Variants in ARID2 observed in about 807,000 individuals in gnomAD.
ARID2 encodes AT-rich interactive domain-containing protein 2.
ARID2 carries 32 observed loss-of-function variants against 184.6 expected under a neutral mutation model. The ratio of observed to expected loss-of-function variants is 0.17; its 90% CI spans 0.13 to 0.23. ARID2 has a LOEUF of 0.23. Among genes scored for constraint, ARID2 ranks in the 10% least tolerant of loss-of-function variants. The probability of loss-of-function intolerance (pLI) is 1.00; values close to 1 mark genes in which losing one functional copy is unlikely to be tolerated. For missense variants in ARID2, 1,696 were observed against 2,197.6 expected, an observed-to-expected ratio of 0.77 and a Z score of 4.56; for synonymous variants, 836 against 772.6, an observed-to-expected ratio of 1.08 and a Z score of -1.36.
chr12:45,735,309 T>TG (rs1334252624), intron 3 of ARID2, among the ~76,000 whole-genome samples: 1 of 152,162 alleles, frequency 6.6e-6, no homozygotes, highest in African/African-American at 2.4e-5. Flanking sequence ...AATAAACTGA[T>TG]TGCCCTTCTT....
At chr12:45,793,543 C>CTGTGTG (rs544399975) in intron 3 of ARID2, among the ~76,000 whole-genome samples, 2 of 148,212 alleles carry the variant, frequency 1.3e-5, no homozygotes, top group South Asian at 4.3e-4. Flanking sequence ...CTTTATGTAA[C>CTGTGTG]TGTGTGTGTG....
intron 3 of ARID2, among the ~76,000 whole-genome samples, chr12:45,747,841 A>C (rs567297513): frequency 1.3e-5 from 2 of 152,158 alleles, no homozygotes; most frequent in African/African-American, 2.4e-5. Context: ...ATGTCTCCCT[A>C]TCTGTCTTCA....
At chr12:45,854,484 A>G (rs1228207090) in intron 15 of ARID2, among the ~76,000 whole-genome samples, 1 of 152,192 alleles carries the variant, frequency 6.6e-6, no homozygotes, top group Non-Finnish European at 1.5e-5. Context: ...TTTTTATTCA[A>G]GCTTCCACAT....
intron 3 of ARID2, among the ~76,000 whole-genome samples, chr12:45,746,443 A>G (rs969493291): frequency 6.6e-6 from 1 of 152,058 alleles, no homozygotes; most frequent in Non-Finnish European, 1.5e-5. Context: ...AGACAAAGGG[A>G]TGGTAGGGAG....
At chr12:45,881,158 T>G (rs1034772752) in intron 16 of ARID2, 1 of 152,944 alleles carries the variant, frequency 6.5e-6, no homozygotes, top group Non-Finnish European at 1.5e-5. Flanking sequence ...GGTCAGATTT[T>G]TGAATCCACC....
Position 45,848,943 on chromosome 12 carries a change from C to T in ARID2, c.1688C>T (p.Thr563Ile), listed in dbSNP as rs770619715. 6.2e-7 allele frequency: 1 copy of T among 1,612,248 alleles called. No individual in the cohort carries two copies. Among genetic ancestry groups the T allele is most frequent in the South Asian group, 1.1e-5 (1 of 90,884 alleles). ...CSKLARGGIL[T>I]STGFYKCLRT... ...AAATTAGCTCGTGGTGGAATCCTAA[C>T]ATCAACTGGATTTTATAAATGTCTT... Residue 563 changes from threonine (T) to isoleucine (I), a missense_variant, in exon 13 of 21, where the codon ACA becomes ATA. This residue lies in a region of ARID2 where 713 missense variants were observed against 824.4 expected (regional missense o/e 0.86). Transcript: ENST00000334344.
chr12:45,789,542 T>C lies in ARID2; in HGVS notation c.285-21876T>C, dbSNP rs57690604. On this transcript the variant is annotated intron_variant, in intron 3 of 20. Coordinates refer to ENST00000334344, the MANE Select transcript of ARID2 (RefSeq NM_152641.4). ...GATAATATGTATTCTGTAATTTAAA[T>C]ATATATTAAATTAGCCTTGATAACC... 17 of 152,286 alleles carry C rather than the reference T, an allele frequency of 1.1e-4. No homozygotes were observed. The East Asian group carries it at 2.5e-3, about 22-fold the overall frequency. The allele number at this position is 152,286 out of a possible 1,614,324, so 9.4% of individuals were successfully genotyped here.
intron 16 of ARID2, among the ~76,000 whole-genome samples, chr12:45,889,715 G>A (rs1454079256): frequency 5.3e-5 from 8 of 152,228 alleles, no homozygotes; most frequent in African/African-American, 1.9e-4. Context: ...CGAGGCGGGT[G>A]GATCACAAGG....
At chr12:45,735,364 TATATC>T (rs1257478356) in intron 3 of ARID2, among the ~76,000 whole-genome samples, 2 of 151,966 alleles carry the variant, frequency 1.3e-5, no homozygotes, top group Non-Finnish European at 2.9e-5. Flanking sequence ...GGAAGACAAA[TATATC>T]AATAAGTTAT....
intron 3 of ARID2, among the ~76,000 whole-genome samples, 174 bp from the exon 4 acceptor site, chr12:45,811,244 C>G (rs745309136): frequency 1.3e-4 from 20 of 151,066 alleles, no homozygotes; most frequent in Admixed American, 9.2e-4. Flanking sequence ...TTGAGTTTAT[C>G]TGCGGTTTAT....
At chr12:45,837,819 T>G in intron 10 of ARID2, 112 bp downstream of exon 10, 1 of 879,370 alleles carries the variant, frequency 1.1e-6, no homozygotes, top group Admixed American at 2.8e-5. Flanking sequence ...TTTTGAAGAG[T>G]CATTACCTCC....
chr12:45,734,266 G>A (rs901311589), intron 3 of ARID2, among the ~76,000 whole-genome samples: 1 of 152,316 alleles, frequency 6.6e-6, no homozygotes, highest in African/African-American at 2.4e-5. Context: ...CTACTTGGGA[G>A]GCTGATGCAG....
At chr12:45,893,777 A>G (rs1316542393) in intron 20 of ARID2, 56 bp downstream of exon 20, 4 of 1,330,632 alleles carry the variant, frequency 3.0e-6, no homozygotes, top group East Asian at 2.5e-5. Context: ...ATTTTTACAT[A>G]TAAGTTAATA....
At chr12:45,868,797 T>C (rs938492051) in intron 16 of ARID2, among the ~76,000 whole-genome samples, 1 of 152,220 alleles carries the variant, frequency 6.6e-6, no homozygotes, top group African/African-American at 2.4e-5. Context: ...GGATCACTTG[T>C]TATCCCCTTG....
chr12:45,877,668 C>T (rs545505388), intron 16 of ARID2, among the ~76,000 whole-genome samples: 25 of 152,012 alleles, frequency 1.6e-4, no homozygotes, highest in Non-Finnish European at 2.5e-4. Context: ...GGTTGGTGAC[C>T]GTTGCCTTAT....
In ARID2 at chr12:45,852,441, C is replaced by G. The variant is rs772995852; in HGVS notation, c.4318C>G (p.Gln1440Glu). Residue 1440 changes from glutamine to glutamate, a missense_variant, in exon 15 of 21, where the codon CAG (glutamine) becomes GAG (glutamate). By Grantham distance (29) the Gln-to-Glu change is conservative (BLOSUM62 2). Coordinates refer to ENST00000334344, the MANE Select transcript of ARID2 (RefSeq NM_152641.4). The part of the protein sequence containing the change: ...SIQEASNAAT[Q>E]QFSGTDLLNG... ...ACAGGAGGCTTCAAATGCGGCAACA[C>G]AGCAATTTAGTGGTACTGATTTGCT... The G allele has an allele frequency of 2.5e-6, 4 of 1,614,188 alleles. No homozygotes were observed. In the South Asian group the frequency reaches 3.3e-5, roughly 13 times the overall value.
At chr12:45,891,688 T>C (rs1944303783) in intron 16 of ARID2, 92 bp from the exon 17 acceptor site, 2 of 1,393,070 alleles carry the variant, frequency 1.4e-6, no homozygotes. Flanking sequence ...CAACTGATGA[T>C]TCCACTTGGA....
intron 3 of ARID2, among the ~76,000 whole-genome samples, chr12:45,744,936 T>G (rs1941327778): frequency 6.6e-6 from 1 of 152,202 alleles, no homozygotes; most frequent in African/African-American, 2.4e-5. Context: ...ACATCCCTCC[T>G]TCTTTGGCCC....
At chr12:45,863,618 C>A (rs1463623672) in intron 16 of ARID2, among the ~76,000 whole-genome samples, 1 of 151,708 alleles carries the variant, frequency 6.6e-6, no homozygotes. Flanking sequence ...AGAAAACTTT[C>A]TTTGTTTCCA....
Sources: gnomAD v4.1 joint callset for allele counts (sites outside exome capture counted in the v4.1 genomes callset) on GRCh38, gnomAD v4.1.1 for gene constraint, gnomAD v4.1.1 regional missense constraint, MANE v1.5 for transcripts, NCBI Gene and HGNC (gene_info 2026-07-23, HGNC 2026-07-21) for gene names.